UGT1A5: variants seen among roughly 807,000 people sequenced by gnomAD.
UGT1A5 encodes the protein UDP glucuronosyltransferase family 1 member A5.
UGT1A5 carries 29 observed loss-of-function variants against 40.3 expected under a neutral mutation model. The ratio of observed to expected loss-of-function variants is 0.72; its 90% CI spans 0.54 to 0.98. The LOEUF (loss-of-function observed/expected upper bound fraction) is 0.98. Among genes scored for constraint, UGT1A5 ranks in the 50% least tolerant of loss-of-function variants. The pLI is 0.00. For synonymous variants in UGT1A5, 257 were observed against 262.5 expected (o/e 0.98, Z 0.20); for missense variants, 678 against 677.9 (o/e 1.00, Z 0.00).
At chr2:233,752,726 CAGAG>C in intron 1 of UGT1A5, among the ~76,000 whole-genome samples, 1 of 152,282 alleles carries the variant, frequency 6.6e-6, no homozygotes, top group East Asian at 1.9e-4. Context: ...GCAACAGCTA[CAGAG>C]AGAGACCCTG....
At chr2:233,756,741 CCTT>C (rs1339727663) in intron 1 of UGT1A5, among the ~76,000 whole-genome samples, 3 of 152,100 alleles carry the variant, frequency 2.0e-5, no homozygotes, top group African/African-American at 7.2e-5. Context: ...TTCACCTCCT[CCTT>C]ATTCTCTTTT....
At chr2:233,758,786 G>A (rs1696976610) in intron 1 of UGT1A5, among the ~76,000 whole-genome samples, 1 of 152,212 alleles carries the variant, frequency 6.6e-6, no homozygotes, top group African/African-American at 2.4e-5. Flanking sequence ...GATCTGTGCA[G>A]TTATCTTGGA....
At chr2:233,724,619 C>A (rs2077290333) in intron 1 of UGT1A5, among the ~76,000 whole-genome samples, 1 of 138,420 alleles carries the variant, frequency 7.2e-6, no homozygotes, top group East Asian at 2.3e-4. Flanking sequence ...GGCAGAGACG[C>A]TCCTCACTTC....
At chr2:233,760,285 G>C (rs376515645) in intron 1 of UGT1A5, 1 of 1,612,934 alleles carries the variant, frequency 6.2e-7, no homozygotes, top group East Asian at 2.2e-5. Flanking sequence ...GAGCAAAGGC[G>C]CCATGGCTGT....
At position 233,748,031 on chromosome 2, in the gene UGT1A5, G is replaced by A. The variant is rs1285076078; in HGVS notation, c.868-19003G>A. On this transcript the variant is annotated intron_variant, in intron 1 of 4. Transcript: ENST00000373414. ...ACCCCAGGCCGATCATGCCCAACAT[G>A]GTCTTCATTGGGGGCATCAACTGTG... The A allele has an allele frequency of 3.1e-6, 5 of 1,613,428 alleles. No homozygotes were observed. The African/African-American group carries it at 6.7e-5, about 22-fold the overall frequency.
intron 1 of UGT1A5, among the ~76,000 whole-genome samples, chr2:233,731,482 G>A (rs562723642): frequency 2.0e-5 from 3 of 152,088 alleles, no homozygotes; most frequent in African/African-American, 7.2e-5. Flanking sequence ...TCCCTGGCCT[G>A]TGTCCAGTGT....
chr2:233,765,490 A>G (rs552851651), intron 1 of UGT1A5, among the ~76,000 whole-genome samples: 4 of 152,238 alleles, frequency 2.6e-5, no homozygotes, highest in Non-Finnish European at 5.9e-5. Flanking sequence ...ATCATCCTCC[A>G]CAAACTAACA....
In UGT1A5 at chr2:233,713,323, C is replaced by T. The variant is rs758064318; in HGVS notation, c.332C>T (p.Ser111Phe). ...FETEHLLMKF[S>F]RRMAIMNNMS... The stretch of plus-strand genomic sequence containing the variant: ...ACAGAACATCTTCTGATGAAATTTT[C>T]TAGAAGAATGGCAATTATGAACAAT... Residue 111 changes from serine to phenylalanine, a missense_variant, in exon 1 of 5, where the codon TCT becomes TTT. Transcript: ENST00000373414. 21 of 1,614,222 alleles carry T rather than the reference C, an allele frequency of 1.3e-5. No homozygotes were observed. The highest frequency in any genetic ancestry group is 1.7e-6 in the Non-Finnish European group (2 of 1,180,032).
intron 1 of UGT1A5, chr2:233,741,585 C>T (rs370534544): frequency 1.3e-5 from 2 of 151,864 alleles, no homozygotes; most frequent in South Asian, 2.1e-4. Flanking sequence ...CCAGGCACCT[C>T]GGAGCATGTT....
At chr2:233,737,982 G>T (rs1690650423) in intron 1 of UGT1A5, among the ~76,000 whole-genome samples, 2 of 151,994 alleles carry the variant, frequency 1.3e-5, no homozygotes, top group South Asian at 4.2e-4. Flanking sequence ...AATATGGTTT[G>T]GCTCTGTGTC....
intron 1 of UGT1A5, among the ~76,000 whole-genome samples, chr2:233,748,531 T>G (rs1693967271): frequency 6.6e-6 from 1 of 151,738 alleles, no homozygotes; most frequent in African/African-American, 2.4e-5. Flanking sequence ...GATAGAGAGG[T>G]GACCACAGGA....
chr2:233,717,792 G>A (rs1353792882), intron 1 of UGT1A5: 6 of 456,092 alleles, frequency 1.3e-5, no homozygotes, highest in African/African-American at 4.0e-5. Flanking sequence ...GAAATTTGAA[G>A]TAGTGCCCCC....
At chr2:233,724,292 C>T (rs1379070155) in intron 1 of UGT1A5, among the ~76,000 whole-genome samples, 3 of 129,054 alleles carry the variant, frequency 2.3e-5, no homozygotes, top group African/African-American at 9.1e-5. Context: ...GGGGGGCTGA[C>T]CCCCCCACCT....
chr2:233,719,226 G>T (rs2076738991), intron 1 of UGT1A5: 1 of 1,614,026 alleles, frequency 6.2e-7, no homozygotes, highest in Non-Finnish European at 8.5e-7. Context: ...GCATAATGAG[G>T]CCCTGATCAG....
intron 1 of UGT1A5, among the ~76,000 whole-genome samples, chr2:233,757,535 A>AATGTATATATATATATATATATAT (rs1696552153): frequency 1.1e-5 from 1 of 88,312 alleles, no homozygotes; most frequent in Non-Finnish European, 2.2e-5. Context: ...GCCTGTAAGG[A>AATGTATATATATATATATATATAT]ATATATATAT....
At chr2:233,743,874 A>T in intron 1 of UGT1A5, 1 of 1,367,118 alleles carries the variant, frequency 7.3e-7, no homozygotes, top group Non-Finnish European at 9.8e-7. Context: ...GCCTCGGATG[A>T]GGCCTGCCGG....
intron 1 of UGT1A5, among the ~76,000 whole-genome samples, chr2:233,766,038 C>T (rs1161510573): frequency 6.6e-6 from 1 of 152,144 alleles, no homozygotes; most frequent in African/African-American, 2.4e-5. Context: ...CCTCTATAGT[C>T]AGCTTGTGTT....
chr2:233,766,431 T>C (rs2126025401), intron 1 of UGT1A5, among the ~76,000 whole-genome samples: 1 of 152,314 alleles, frequency 6.6e-6, no homozygotes, highest in Middle Eastern at 3.4e-3. Context: ...GATGTCCAGC[T>C]ACCTGTGTGT....
intron 1 of UGT1A5, among the ~76,000 whole-genome samples, chr2:233,735,271 G>A (rs1195301760): frequency 1.3e-5 from 2 of 152,034 alleles, no homozygotes; most frequent in Non-Finnish European, 2.9e-5. Context: ...TTATGTAATG[G>A]CCTTCTTTGT....
Sources: gnomAD v4.1 joint callset for allele counts (sites outside exome capture counted in the v4.1 genomes callset) on GRCh38, gnomAD v4.1.1 for gene constraint, MANE v1.5 for transcripts, NCBI Gene and HGNC (gene_info 2026-07-23, HGNC 2026-07-21) for gene names.